KDM2A: variants seen among roughly 807,000 people sequenced by gnomAD.
The protein encoded by KDM2A is lysine-specific demethylase 2A.
In KDM2A, 3 loss-of-function variants were observed where a neutral mutation model predicts 137.3. The observed-to-expected ratio is 0.02, with a 90% CI of 0.01 to 0.06. The LOEUF (loss-of-function observed/expected upper bound fraction) is 0.06. KDM2A is among the 10% of genes least tolerant of loss of function. KDM2A has a pLI of 1.00. For missense variants in KDM2A, 738 were observed against 1,510.6 expected, an observed-to-expected ratio of 0.49 and a Z score of 8.48; for synonymous variants, 512 against 541.5, an observed-to-expected ratio of 0.95 and a Z score of 0.76.
At chr11:67,249,822 A>G (rs1282688349) in intron 16 of KDM2A, among the ~76,000 whole-genome samples, 1 of 152,174 alleles carries the variant, frequency 6.6e-6, no homozygotes, top group Non-Finnish European at 1.5e-5. Context: ...TGAAAGAGGT[A>G]AGTCAGAGAC....
intron 2 of KDM2A, among the ~76,000 whole-genome samples, chr11:67,156,339 C>T (rs1288513414): frequency 6.6e-6 from 1 of 151,882 alleles, no homozygotes; most frequent in Non-Finnish European, 1.5e-5. Context: ...AATCCCAACA[C>T]TTTGGGAGGC....
At chr11:67,125,371 G>A (rs1855696658) in intron 2 of KDM2A, among the ~76,000 whole-genome samples, 1 of 151,624 alleles carries the variant, frequency 6.6e-6, no homozygotes, top group Non-Finnish European at 1.5e-5. Context: ...TGTAGAGGTG[G>A]GGTTTTGCCG....
At chr11:67,198,361 A>G (rs1857532451) in intron 5 of KDM2A, among the ~76,000 whole-genome samples, 1 of 150,666 alleles carries the variant, frequency 6.6e-6, no homozygotes, top group Non-Finnish European at 1.5e-5. Flanking sequence ...GCAAACCTTC[A>G]TTGAGCAAGT....
intron 5 of KDM2A, among the ~76,000 whole-genome samples, chr11:67,202,789 AAAAG>A (rs1857669544): frequency 6.6e-6 from 1 of 150,874 alleles, no homozygotes; most frequent in African/African-American, 2.4e-5. Context: ...AAAAAAAAAG[AAAAG>A]AAATTGTCGA....
intron 12 of KDM2A, among the ~76,000 whole-genome samples, chr11:67,238,591 C>T (rs1395154459): frequency 1.3e-5 from 2 of 151,832 alleles, no homozygotes; most frequent in Non-Finnish European, 2.9e-5. Context: ...TGTCCTTCCC[C>T]TGGTAAACTA....
At chr11:67,230,965 G>GT (rs35855186) in intron 11 of KDM2A, among the ~76,000 whole-genome samples, 64 of 146,934 alleles carry the variant, frequency 4.4e-4, no homozygotes, top group Admixed American at 2.2e-3. Flanking sequence ...TTTTTTGTTT[G>GT]TTTTTTTTTG....
In KDM2A at chr11:67,120,697, A is replaced by G. The variant is rs559551906; in HGVS notation, c.-83-537A>G. 5.3e-5 allele frequency among the ~76,000 whole-genome samples: 8 copies of G among 152,264 alleles called. No individual in the cohort carries two copies. The South Asian group carries it at 1.7e-3, about 32-fold the overall frequency. ...ATGATAAGATCCGGGGAGTCTAGAAAGGAAGGCGACGATTGTGCACGGCCT... is the reference window on the plus strand; with the variant it reads ...ATGATAAGATCCGGGGAGTCTAGAAGGGAAGGCGACGATTGTGCACGGCCT... On this transcript the variant is annotated intron_variant, in intron 1 of 20. Transcript: ENST00000529006.
chr11:67,155,550 T>TGCCTCA (rs1856493723), intron 2 of KDM2A, among the ~76,000 whole-genome samples: 1 of 152,144 alleles, frequency 6.6e-6, no homozygotes, highest in Admixed American at 6.6e-5. Context: ...ATGACCCTCC[T>TGCCTCA]GCCTCAGCCT....
chr11:67,242,575 CAGTA>C (rs1859078644), intron 12 of KDM2A, among the ~76,000 whole-genome samples: 1 of 152,270 alleles, frequency 6.6e-6, no homozygotes, highest in African/African-American at 2.4e-5. Flanking sequence ...CTTGTCACCA[CAGTA>C]AGTTAGTTGT....
intron 2 of KDM2A, among the ~76,000 whole-genome samples, chr11:67,133,105 T>C (rs1404719096): frequency 6.6e-6 from 1 of 152,162 alleles, no homozygotes; most frequent in Non-Finnish European, 1.5e-5. Context: ...CGTATTTATT[T>C]ATTTATTTTT....
intron 2 of KDM2A, among the ~76,000 whole-genome samples, chr11:67,161,767 C>G (rs1041190451): frequency 6.6e-6 from 1 of 152,024 alleles, no homozygotes. Flanking sequence ...TATTATTTGT[C>G]TTTTTTGCTC....
At chr11:67,174,618 A>T (rs1240540657) in intron 2 of KDM2A, among the ~76,000 whole-genome samples, 1 of 152,134 alleles carries the variant, frequency 6.6e-6, no homozygotes, top group East Asian at 1.9e-4. Context: ...CCAGTACTTG[A>T]GTTAATCTAA....
intron 12 of KDM2A, among the ~76,000 whole-genome samples, chr11:67,236,958 A>T (rs147642228): frequency 2.0e-5 from 3 of 152,192 alleles, no homozygotes; most frequent in Non-Finnish European, 4.4e-5. Flanking sequence ...GAAATAGGAA[A>T]TAAGTGCAGT....
chr11:67,245,456 G>T lies in KDM2A; in HGVS notation c.1831G>T (p.Ala611Ser). The T allele has an allele frequency of 6.2e-7, 1 of 1,612,880 alleles. No individual in the cohort carries two copies. The highest frequency in any genetic ancestry group is 8.5e-7 in the Non-Finnish European group (1 of 1,179,480). ...GTCCTGTGTCCTCCGACAGTGCTTG[G>T]CAGTGAGTGATCTGCTGGGTAAAGA... ...KQSCVLRQCLAPRLPHSVTCS... is the reference protein window; with the variant it reads ...KQSCVLRQCLSPRLPHSVTCS... The change falls in exon 14 of 21, where the codon GCA becomes TCA. Residue 611 changes from alanine (A) to serine (S), a missense_variant and splice_region_variant. Physicochemically the swap from Ala to Ser is moderately conservative, Grantham distance 99. Transcript: ENST00000529006. The surrounding 1 kb of genome is among the most constrained non-coding windows in gnomAD (Gnocchi z 4.1).
intron 6 of KDM2A, among the ~76,000 whole-genome samples, chr11:67,210,356 C>A (rs1857944296): frequency 2.6e-5 from 4 of 151,222 alleles, no homozygotes. Context: ...AAACAAAAAA[C>A]AAAAACTAAG....
At chr11:67,157,108 T>A (rs946784271) in intron 2 of KDM2A, among the ~76,000 whole-genome samples, 1 of 151,616 alleles carries the variant, frequency 6.6e-6, no homozygotes, top group African/African-American at 2.4e-5. Flanking sequence ...GGTCAGGAGA[T>A]AGAGACCATC....
chr11:67,156,234 GC>G (rs1355960670), intron 2 of KDM2A, among the ~76,000 whole-genome samples: 28 of 142,440 alleles, frequency 2.0e-4, no homozygotes, highest in African/African-American at 7.4e-4. Flanking sequence ...GGCAACAAAA[GC>G]AAAACTCCGT....
chr11:67,181,422 A>C, intron 4 of KDM2A, 24 bp downstream of exon 4: 2 of 1,569,956 alleles, frequency 1.3e-6, no homozygotes, highest in South Asian at 1.1e-5. Flanking sequence ...GCCTGGCTGG[A>C]TGTAGTTGCA....
At chr11:67,123,257 G>A (rs745634679) in intron 2 of KDM2A, among the ~76,000 whole-genome samples, 2 of 146,522 alleles carry the variant, frequency 1.4e-5, no homozygotes, top group South Asian at 2.1e-4. Flanking sequence ...ATTAACAAGC[G>A]TGAGCCACAG....
Sources: allele counts gnomAD v4.1 joint callset (sites outside exome capture counted in the v4.1 genomes callset), GRCh38; gene constraint gnomAD v4.1.1; non-coding constraint Gnocchi (gnomAD v3.1); transcripts MANE v1.5; gene names NCBI Gene and HGNC (gene_info 2026-07-23, HGNC 2026-07-21).